Variants in PRELID2 observed in about 807,000 individuals in gnomAD.
PRELID2 encodes the protein PRELI domain-containing protein 2.
A neutral mutation model predicts 28.4 loss-of-function variants in PRELID2; 25 were observed. That is an observed-to-expected ratio of 0.88 (90% CI 0.64 to 1.23). PRELID2 has a LOEUF of 1.23. Among genes scored for constraint, PRELID2 ranks in the 50% most tolerant of loss-of-function variants. The pLI, the probability that PRELID2 is intolerant of heterozygous loss-of-function variation, is 0.00. For synonymous variants in PRELID2, 76 were observed against 71.6 expected (o/e 1.06, Z -0.31); for missense variants, 201 against 214.4 (o/e 0.94, Z 0.39).
At chr5:145,400,345 A>G in the PRELID2 span, among the ~76,000 whole-genome samples, 1 of 152,058 alleles carries the variant, frequency 6.6e-6, no homozygotes, top group Non-Finnish European at 1.5e-5. Flanking sequence ...AGGATCCCCA[A>G]TCAAACTTTT....
chr5:145,475,054 A>T (rs1231488764), intron 1 of PRELID2, among the ~76,000 whole-genome samples: 1 of 152,226 alleles, frequency 6.6e-6, no homozygotes, highest in Non-Finnish European at 1.5e-5. Flanking sequence ...ATAGGACAAG[A>T]CACACAGATA....
At chr5:145,582,467 T>C (rs1753115342) in intron 1 of PRELID2, among the ~76,000 whole-genome samples, 1 of 151,910 alleles carries the variant, frequency 6.6e-6, no homozygotes, top group Non-Finnish European at 1.5e-5. Flanking sequence ...CATGATTCAA[T>C]CACCTCCTAC....
intron 1 of PRELID2, among the ~76,000 whole-genome samples, chr5:145,497,701 C>T (rs1156500147): frequency 6.6e-6 from 1 of 152,094 alleles, no homozygotes; most frequent in East Asian, 1.9e-4. Flanking sequence ...TCCATGTTTC[C>T]AATCCCAGGA....
intron 1 of PRELID2, among the ~76,000 whole-genome samples, chr5:145,832,588 C>A (rs189474586): frequency 7.9e-5 from 12 of 152,246 alleles, no homozygotes; most frequent in African/African-American, 2.9e-4. Flanking sequence ...GTTTCGGATC[C>A]ATGTGTTAAA....
intron 1 of PRELID2, among the ~76,000 whole-genome samples, chr5:145,555,825 A>G (rs752686758): frequency 6.6e-6 from 1 of 152,142 alleles, no homozygotes; most frequent in Non-Finnish European, 1.5e-5. Context: ...TTAGTTCCTG[A>G]TAACTTTCTA....
the PRELID2 span, among the ~76,000 whole-genome samples, chr5:145,270,320 G>A: frequency 6.6e-6 from 1 of 152,030 alleles, no homozygotes; most frequent in South Asian, 2.1e-4. Context: ...AAAACTAGAA[G>A]CATTCAGGTG....
chr5:145,582,416 T>G (rs1753114919), intron 1 of PRELID2, among the ~76,000 whole-genome samples: 1 of 151,738 alleles, frequency 6.6e-6, no homozygotes, highest in African/African-American at 2.4e-5. Flanking sequence ...TCATGAGAAT[T>G]TACTCACTAT....
the PRELID2 span, among the ~76,000 whole-genome samples, chr5:145,444,853 G>A: frequency 2.0e-5 from 3 of 151,982 alleles, no homozygotes; most frequent in South Asian, 2.1e-4. Context: ...AAGAGATAAA[G>A]AATCTACTTT....
the PRELID2 span, among the ~76,000 whole-genome samples, chr5:145,426,398 T>C: frequency 2.0e-5 from 3 of 152,180 alleles, no homozygotes; most frequent in Admixed American, 6.5e-5. Context: ...AGCTACATCT[T>C]AAATGGCAAA....
the PRELID2 span, among the ~76,000 whole-genome samples, chr5:145,457,658 A>G: frequency 1.3e-5 from 2 of 152,212 alleles, no homozygotes; most frequent in East Asian, 3.9e-4. Context: ...ATACTGCCAC[A>G]GGTCTAAAGG....
At chr5:145,476,053 G>GCAT (rs1353350043) in intron 1 of PRELID2, among the ~76,000 whole-genome samples, 31 of 152,240 alleles carry the variant, frequency 2.0e-4, no homozygotes, top group Non-Finnish European at 3.4e-4. Context: ...ACTTAACTGT[G>GCAT]CATGTGATTC....
At chr5:145,434,526 C>T in the PRELID2 span, among the ~76,000 whole-genome samples, 2 of 152,140 alleles carry the variant, frequency 1.3e-5, no homozygotes, top group Non-Finnish European at 2.9e-5. Context: ...ATTGAAACAG[C>T]CATCGAGGAA....
At chr5:145,830,647 G>C (rs1406210829) in intron 1 of PRELID2, among the ~76,000 whole-genome samples, 2 of 152,222 alleles carry the variant, frequency 1.3e-5, no homozygotes, top group Non-Finnish European at 2.9e-5. Context: ...ATAGTTCTTG[G>C]AAAGTACATA....
chr5:145,440,045 C>T, the PRELID2 span, among the ~76,000 whole-genome samples: 7 of 152,200 alleles, frequency 4.6e-5, no homozygotes, highest in Admixed American at 1.3e-4. Context: ...CTCCAGTCTC[C>T]GAAACAGCTG....
chr5:145,291,921 AG>A, the PRELID2 span, among the ~76,000 whole-genome samples: 1 of 152,218 alleles, frequency 6.6e-6, no homozygotes, highest in Non-Finnish European at 1.5e-5. Flanking sequence ...CTTTGTTAAA[AG>A]TAAGTTGACT....
chr5:145,305,701 TACAC>T, the PRELID2 span, among the ~76,000 whole-genome samples: 1 of 151,886 alleles, frequency 6.6e-6, no homozygotes, highest in South Asian at 2.1e-4. Flanking sequence ...CTGCAGAACT[TACAC>T]ACACACATAC....
chr5:145,477,355 C>T (rs1053012059), intron 1 of PRELID2, among the ~76,000 whole-genome samples: 39 of 152,300 alleles, frequency 2.6e-4, no homozygotes, highest in African/African-American at 8.7e-4. Context: ...TGGCGGCCAT[C>T]CACTGCAGTC....
At chr5:145,508,967 A>T (rs1233633693) in intron 1 of PRELID2, among the ~76,000 whole-genome samples, 1 of 152,202 alleles carries the variant, frequency 6.6e-6, no homozygotes, top group Non-Finnish European at 1.5e-5. Context: ...TACTGGTCTA[A>T]TGAGTCCAAA....
At chr5:145,761,868 C>G (rs975269911) in intron 6 of PRELID2, among the ~76,000 whole-genome samples, 18 of 151,926 alleles carry the variant, frequency 1.2e-4, no homozygotes, top group African/African-American at 3.6e-4. Flanking sequence ...GTAGTACCCC[C>G]ACCTACAACC....
Sources: gnomAD v4.1 joint callset for allele counts (sites outside exome capture counted in the v4.1 genomes callset) on GRCh38, gnomAD v4.1.1 for gene constraint, MANE v1.5 for transcripts, NCBI Gene and HGNC (gene_info 2026-07-23, HGNC 2026-07-21) for gene names.